The following DYM variants were observed in gnomAD, a reference collection of about 807,000 sequenced individuals.
DYM encodes the protein dyggve-Melchior-Clausen syndrome protein.
DYM carries 78 observed loss-of-function variants against 93.1 expected under a neutral mutation model. The observed-to-expected ratio is 0.84, with a 90% CI of 0.70 to 1.01. The LOEUF is 1.01. DYM is among the 50% of genes least tolerant of loss of function. DYM has a pLI of 0.00. For synonymous variants in DYM, 321 were observed against 319.7 expected (o/e 1.00, Z -0.04); for missense variants, 789 against 845.0 (o/e 0.93, Z 0.82).
intron 6 of DYM, among the ~76,000 whole-genome samples, chr18:49,338,713 T>C (rs994340139): frequency 1.1e-4 from 17 of 152,236 alleles, no homozygotes; most frequent in African/African-American, 3.9e-4. Flanking sequence ...TTTTATTTCA[T>C]AATGACAGAT....
intron 2 of DYM, among the ~76,000 whole-genome samples, chr18:49,415,178 C>T (rs908808217): frequency 6.6e-6 from 1 of 151,486 alleles, no homozygotes; most frequent in Non-Finnish European, 1.5e-5. Context: ...CAAAAATTAG[C>T]CGAGCATGGC....
intron 17 of DYM, among the ~76,000 whole-genome samples, chr18:49,063,302 C>A (rs1419888829): frequency 7.0e-6 from 1 of 143,714 alleles, no homozygotes; most frequent in African/African-American, 2.7e-5. Context: ...AGCCAGATTT[C>A]TTTTCTTTTT....
chr18:49,370,721 C>T (rs1283657775), intron 5 of DYM, among the ~76,000 whole-genome samples: 1 of 152,162 alleles, frequency 6.6e-6, no homozygotes, highest in African/African-American at 2.4e-5. Context: ...GAGCCAAAAT[C>T]GTGCCACTGC....
At chr18:49,310,904 A>C (rs2061551349) in intron 8 of DYM, among the ~76,000 whole-genome samples, 1 of 152,244 alleles carries the variant, frequency 6.6e-6, no homozygotes, top group Admixed American at 6.5e-5. Flanking sequence ...ATTACAAAGA[A>C]ATGGGTAAAA....
At chr18:49,258,781 G>GACACACACACACAC (rs61429427) in intron 11 of DYM, among the ~76,000 whole-genome samples, 1 of 112,368 alleles carries the variant, frequency 8.9e-6, no homozygotes, top group South Asian at 3.4e-4. Flanking sequence ...AGGGATCATA[G>GACACACACACACAC]ACACACACAC....
chr18:49,281,721 C>T (rs1040744711), intron 10 of DYM, among the ~76,000 whole-genome samples: 1 of 152,158 alleles, frequency 6.6e-6, no homozygotes, highest in Admixed American at 6.6e-5. Context: ...CCAGACACTG[C>T]ATGTTCTCAC....
intron 14 of DYM, 145 bp downstream of exon 14, chr18:49,209,406 A>T: frequency 2.0e-6 from 1 of 488,698 alleles, no homozygotes; most frequent in Non-Finnish European, 3.0e-6. Context: ...AAATCCAGCT[A>T]TTATTTTAAA....
intron 13 of DYM, among the ~76,000 whole-genome samples, chr18:49,217,222 C>T (rs949630770): frequency 2.7e-4 from 41 of 152,076 alleles, no homozygotes; most frequent in African/African-American, 7.0e-4. Flanking sequence ...TAAAAAGAAA[C>T]GAACAAAGCC....
chr18:49,368,238 A>G (rs989470094), intron 5 of DYM, among the ~76,000 whole-genome samples: 1 of 152,220 alleles, frequency 6.6e-6, no homozygotes, highest in Non-Finnish European at 1.5e-5. Flanking sequence ...GTTTGATTAT[A>G]AAATGTGCCT....
chr18:49,098,916 C>T (rs1023255715), intron 16 of DYM, among the ~76,000 whole-genome samples: 4 of 152,056 alleles, frequency 2.6e-5, no homozygotes, highest in Non-Finnish European at 4.4e-5. Context: ...AATGAATACA[C>T]AAAATAAATG....
At chr18:49,447,879 G>C (rs1031329580) in intron 1 of DYM, among the ~76,000 whole-genome samples, 2 of 152,144 alleles carry the variant, frequency 1.3e-5, no homozygotes, top group African/African-American at 2.4e-5. Flanking sequence ...GATTTTCTAA[G>C]AACAGGGCTC....
chr18:49,428,424 C>T (rs2074503464), intron 2 of DYM, among the ~76,000 whole-genome samples: 1 of 152,138 alleles, frequency 6.6e-6, no homozygotes, highest in South Asian at 2.1e-4. Context: ...GTGTCTCACG[C>T]CTGTAATCCC....
At chr18:49,102,523 G>A (rs962944756) in intron 16 of DYM, among the ~76,000 whole-genome samples, 9 of 151,936 alleles carry the variant, frequency 5.9e-5, no homozygotes, top group Admixed American at 2.6e-4. Context: ...CCACTAACTC[G>A]TCATTTAACA....
chr18:49,339,667 C>T (rs2063944390), intron 6 of DYM, among the ~76,000 whole-genome samples: 3 of 152,184 alleles, frequency 2.0e-5, no homozygotes, highest in African/African-American at 7.2e-5. Flanking sequence ...ACCAGAGCCC[C>T]AGCTTGACTA....
chr18:49,312,109 T>C (rs532454818), intron 8 of DYM, among the ~76,000 whole-genome samples: 154 of 152,294 alleles, frequency 1.0e-3, no homozygotes, highest in Admixed American at 2.1e-3. Context: ...TGATGCACTG[T>C]GTGTGACTGT....
At chr18:49,266,327 T>C (rs953697874) in intron 11 of DYM, among the ~76,000 whole-genome samples, 4 of 152,120 alleles carry the variant, frequency 2.6e-5, no homozygotes, top group South Asian at 2.1e-4. Flanking sequence ...ATATATTGCA[T>C]AATGAAGGTC....
intron 13 of DYM, among the ~76,000 whole-genome samples, chr18:49,250,160 C>T (rs1477114287): frequency 6.6e-6 from 1 of 152,180 alleles, no homozygotes; most frequent in Non-Finnish European, 1.5e-5. Flanking sequence ...AGATGCCAGC[C>T]CATCTTCTAA....
At chr18:49,421,609 G>A (rs1035465876) in intron 2 of DYM, among the ~76,000 whole-genome samples, 1 of 152,322 alleles carries the variant, frequency 6.6e-6, no homozygotes, top group South Asian at 2.1e-4. Flanking sequence ...CCAAAGGAAC[G>A]CAGCTCCTCG....
At chr18:49,205,907 T>A (rs1169479878) in intron 14 of DYM, 1 of 164,482 alleles carries the variant, frequency 6.1e-6, no homozygotes, top group African/African-American at 2.4e-5. Flanking sequence ...AGGGTTGCTG[T>A]GAAACGAATT....
Sources: allele counts gnomAD v4.1 joint callset (sites outside exome capture counted in the v4.1 genomes callset), GRCh38; gene constraint gnomAD v4.1.1; transcripts MANE v1.5; gene names NCBI Gene and HGNC (gene_info 2026-07-23, HGNC 2026-07-21).